The following NEDD9 variants were observed in gnomAD, a reference collection of about 807,000 sequenced individuals.
NEDD9 encodes neural precursor cell expressed, developmentally down-regulated 9.
A neutral mutation model predicts 76.6 loss-of-function variants in NEDD9; 26 were observed. The ratio of observed to expected loss-of-function variants is 0.34; its 90% confidence interval spans 0.25 to 0.47. The LOEUF (loss-of-function observed/expected upper bound fraction) is 0.47, where lower values mean the gene tolerates loss of function less well. NEDD9 is among the 20% of genes least tolerant of loss of function. The pLI is 1.00. For missense variants in NEDD9, 937 were observed against 1,058.5 expected (o/e 0.89, Z 1.59); for synonymous variants, 392 against 414.2 (o/e 0.95, Z 0.65).
chr6:11,250,298 CA>C (rs1561806243), intron 3 of NEDD9, among the ~76,000 whole-genome samples: 1 of 152,134 alleles, frequency 6.6e-6, no homozygotes, highest in Admixed American at 6.5e-5. Context: ...GCACAGTAGC[CA>C]AAACCTAAAT....
chr6:11,312,909 C>G (rs1388991887), intron 2 of NEDD9, among the ~76,000 whole-genome samples: 11 of 152,064 alleles, frequency 7.2e-5, no homozygotes, highest in Non-Finnish European at 1.3e-4. Flanking sequence ...TCCCTAAACC[C>G]AAGCAAAACA....
At chr6:11,371,619 C>A (rs1762876711) in intron 1 of NEDD9, among the ~76,000 whole-genome samples, 1 of 152,138 alleles carries the variant, frequency 6.6e-6, no homozygotes, top group African/African-American at 2.4e-5. Flanking sequence ...GTTCTTTCTT[C>A]AACTCAAATG....
At position 11,195,070 on chromosome 6, in the gene NEDD9, G is replaced by A. The variant is rs576069604; in HGVS notation, c.460-1378C>T. On this transcript the variant is annotated intron_variant, in intron 2 of 6. Coordinates refer to ENST00000379446, the MANE Select transcript of NEDD9 (RefSeq NM_006403.4). ...CTTTCTCTGAAGTGAAAACTCTGGC[G>A]TCAGGCTGCCTACAGAACTATGTGA... 9.9e-5 allele frequency among the ~76,000 whole-genome samples: 15 copies of A among 152,252 alleles called. No homozygotes were observed. The East Asian group carries it at 1.5e-3, about 16-fold the overall frequency.
intron 3 of NEDD9, among the ~76,000 whole-genome samples, chr6:11,269,288 G>A (rs1379831205): frequency 1.3e-5 from 2 of 152,182 alleles, no homozygotes; most frequent in South Asian, 4.1e-4. Flanking sequence ...GAGAATTTGG[G>A]GATGAGGATT....
exon 3 of NEDD9, chr6:11,306,099 G>C: frequency 7.0e-7 from 1 of 1,419,904 alleles, no homozygotes; most frequent in Non-Finnish European, 1.0e-6. Flanking sequence ...AACTCTACTT[G>C]AAGAACATAT....
At chr6:11,350,840 C>T (rs1019065898) in intron 1 of NEDD9, among the ~76,000 whole-genome samples, 2 of 152,174 alleles carry the variant, frequency 1.3e-5, no homozygotes, top group South Asian at 2.1e-4. Context: ...CACTCGGGGG[C>T]TCATGTCAGG....
intron 3 of NEDD9, among the ~76,000 whole-genome samples, chr6:11,247,970 A>G (rs951669886): frequency 1.3e-5 from 2 of 152,072 alleles, no homozygotes; most frequent in Non-Finnish European, 2.9e-5. Flanking sequence ...GGACACATCT[A>G]TTTTTCAGAT....
intron 1 of NEDD9, among the ~76,000 whole-genome samples, chr6:11,231,963 A>C (rs1759481362): frequency 6.6e-6 from 1 of 152,166 alleles, no homozygotes; most frequent in Non-Finnish European, 1.5e-5. Context: ...AGGATGTCAA[A>C]ATTTTCCATC....
chr6:11,227,723 C>T (rs1229199670), intron 1 of NEDD9, among the ~76,000 whole-genome samples: 2 of 152,160 alleles, frequency 1.3e-5, no homozygotes, highest in Admixed American at 1.3e-4. Context: ...AGTAGGCAAC[C>T]TATCTGAGTT....
chr6:11,332,471 G>T (rs563420021), intron 2 of NEDD9, among the ~76,000 whole-genome samples: 3 of 152,130 alleles, frequency 2.0e-5, no homozygotes, highest in Non-Finnish European at 4.4e-5. Context: ...CTCACATTGC[G>T]CTACGTCCGC....
At chr6:11,372,149 C>T (rs772852664) in intron 1 of NEDD9, among the ~76,000 whole-genome samples, 37 of 141,842 alleles carry the variant, frequency 2.6e-4, no homozygotes, top group South Asian at 9.3e-4. Flanking sequence ...CCACCCACAA[C>T]GCTACCCTTC....
At chr6:11,259,751 C>T (rs1357006493) in intron 3 of NEDD9, among the ~76,000 whole-genome samples, 1 of 151,990 alleles carries the variant, frequency 6.6e-6, no homozygotes. Context: ...TCTAATTTTC[C>T]TATTAACAGA....
At chr6:11,256,267 G>A (rs7766295) in intron 3 of NEDD9, among the ~76,000 whole-genome samples, 1 of 152,172 alleles carries the variant, frequency 6.6e-6, no homozygotes, top group Non-Finnish European at 1.5e-5. Context: ...CCCCCATCTG[G>A]CTGGAATCTT....
chr6:11,224,295 G>A (rs776920792), intron 1 of NEDD9, among the ~76,000 whole-genome samples: 21 of 152,202 alleles, frequency 1.4e-4, no homozygotes, highest in Admixed American at 1.0e-3. Flanking sequence ...GGGCCTCTGT[G>A]AGATAGCCTA....
intron 6 of NEDD9, among the ~76,000 whole-genome samples, chr6:11,187,449 T>G (rs1758007740): frequency 6.6e-6 from 1 of 152,164 alleles, no homozygotes; most frequent in African/African-American, 2.4e-5. Flanking sequence ...TTGAAAACAT[T>G]GAATTCTGCT....
chr6:11,219,272 T>C (rs1403989928), intron 1 of NEDD9, among the ~76,000 whole-genome samples: 3 of 152,220 alleles, frequency 2.0e-5, no homozygotes, highest in Admixed American at 2.0e-4. Flanking sequence ...AACGATCTGC[T>C]TTTCCAAATA....
intron 3 of NEDD9, among the ~76,000 whole-genome samples, chr6:11,260,281 C>T (rs1231093352): frequency 2.0e-5 from 3 of 152,120 alleles, no homozygotes; most frequent in Admixed American, 1.3e-4. Flanking sequence ...AACCTCTGTC[C>T]TAGCACACCA....
rs1759710031 is a variant in NEDD9 at position 11,241,691 on chromosome 6, T to A, written c.13-27964A>T. 6.6e-6 allele frequency among the ~76,000 whole-genome samples: 1 copy of A among 152,112 alleles called. No homozygotes were observed. Among genetic ancestry groups the A allele is most frequent in the Non-Finnish European group, 1.5e-5 (1 of 68,030 alleles). ...ACTAGTAATGCCCAGGGTACCTCAT[T>A]TCTTCAGGGGTTGGAGATGCATTTT... On this transcript the variant is annotated intron_variant, in intron 3 of 3. Transcript: ENST00000397378. This position sits in a 1 kb window ranked among gnomAD's most constrained non-coding sequence, Gnocchi z 4.0.
intron 1 of NEDD9, among the ~76,000 whole-genome samples, chr6:11,349,799 C>T (rs1427497190): frequency 6.6e-6 from 1 of 152,046 alleles, no homozygotes. Context: ...GGGAGAGGAG[C>T]AGAAAAAACA....
Sources: gnomAD v4.1 joint callset for allele counts (sites outside exome capture counted in the v4.1 genomes callset) on GRCh38, gnomAD v4.1.1 for gene constraint, Gnocchi (gnomAD v3.1) non-coding constraint, MANE v1.5 for transcripts, NCBI Gene and HGNC (gene_info 2026-07-23, HGNC 2026-07-21) for gene names.